ZPLD1: variants seen among roughly 807,000 people sequenced by gnomAD.
ZPLD1 encodes zona pellucida like domain containing 1, also known as zona pellucida-like domain-containing protein 1.
In ZPLD1, 34 loss-of-function variants were observed where a neutral mutation model predicts 47.2. The ratio of observed to expected loss-of-function variants is 0.72; its 90% CI spans 0.55 to 0.96. The LOEUF (loss-of-function observed/expected upper bound fraction) is 0.96. Ranked by LOEUF, ZPLD1 falls within the 40% of genes least tolerant of loss-of-function variation. ZPLD1 has a pLI of 0.00. For synonymous variants in ZPLD1, 176 were observed against 186.2 expected (o/e 0.95, Z 0.45); for missense variants, 512 against 505.8 (o/e 1.01, Z -0.12).
At position 102,477,623 on chromosome 3, in the gene ZPLD1, A is replaced by G; in HGVS notation, c.*5A>G. ...AGAAACCCAGTCTTTGACTGACTAT[A>G]ACAGATTCCTGCTCTCTGGAGAAGG... On this transcript the variant is annotated 3_prime_UTR_variant, in exon 12 of 12. Transcript: ENST00000466937. 1 of 1,607,404 alleles carries G rather than the reference A, an allele frequency of 6.2e-7. No homozygotes were observed. Among genetic ancestry groups the G allele is most frequent in the South Asian group, 1.1e-5 (1 of 90,146 alleles).
chr3:102,419,261 C>G (rs1358519971), intron 8 of ZPLD1, among the ~76,000 whole-genome samples: 2 of 151,910 alleles, frequency 1.3e-5, no homozygotes, highest in Non-Finnish European at 2.9e-5. Flanking sequence ...TCTCATGTGA[C>G]ACATTTCAGA....
At chr3:102,391,984 C>T (rs1248998820) in intron 6 of ZPLD1, among the ~76,000 whole-genome samples, 1 of 152,100 alleles carries the variant, frequency 6.6e-6, no homozygotes, top group African/African-American at 2.4e-5. Context: ...AAAAGAAAAA[C>T]CCTAATCAAC....
At chr3:102,398,878 GCACACA>G (rs10564376) in intron 7 of ZPLD1, among the ~76,000 whole-genome samples, 19 of 149,202 alleles carry the variant, frequency 1.3e-4, no homozygotes, top group African/African-American at 2.2e-4. Context: ...GCGTGCGCAC[GCACACA>G]CACACACACA....
chr3:102,411,388 A>G (rs958464868), intron 7 of ZPLD1, among the ~76,000 whole-genome samples: 5 of 151,844 alleles, frequency 3.3e-5, no homozygotes, highest in African/African-American at 1.2e-4. Flanking sequence ...CTGGGTAGGA[A>G]TAAACTGTAT....
chr3:102,479,695 TAC>T lies in ZPLD1; in HGVS notation c.*2079_*2080del, dbSNP rs1192767943. ...TGGAGTATTTAGTTATACTGAATTT[TAC>T]AGTTATTATAGTGTGAAAAACCTTA... On this transcript the variant is annotated 3_prime_UTR_variant, in exon 12 of 12. Coordinates refer to ENST00000466937, the MANE Select transcript of ZPLD1 (RefSeq NM_001329788.2). 1.6e-4 allele frequency: 24 copies of T among 152,216 alleles called. No individual in the cohort carries two copies. Among genetic ancestry groups the T allele is most frequent in the Admixed American group, 1.6e-3 (24 of 15,286 alleles). 9.4% of individuals were successfully genotyped at this position (152,216 alleles called of 1,614,324 possible).
intron 3 of ZPLD1, among the ~76,000 whole-genome samples, chr3:102,451,035 A>T (rs548150555): frequency 4.8e-4 from 73 of 152,310 alleles, no homozygotes; most frequent in African/African-American, 1.4e-3. Flanking sequence ...ATTTCCTATA[A>T]CACCTAGCCG....
upstream of ZPLD1, among the ~76,000 whole-genome samples, chr3:102,430,988 G>A (rs1021029653): frequency 6.6e-6 from 1 of 152,164 alleles, no homozygotes; most frequent in African/African-American, 2.4e-5. Context: ...AGAATAAAAT[G>A]TGCAAATATC....
chr3:102,431,950 G>A (rs553140685), upstream of ZPLD1, among the ~76,000 whole-genome samples: 20 of 152,152 alleles, frequency 1.3e-4, no homozygotes, highest in South Asian at 1.2e-3. Context: ...TTTGAAGGGC[G>A]AGTTAATATG....
At chr3:102,407,910 C>T (rs1706708985) in intron 7 of ZPLD1, among the ~76,000 whole-genome samples, 1 of 151,762 alleles carries the variant, frequency 6.6e-6, no homozygotes, top group African/African-American at 2.4e-5. Flanking sequence ...TCAGGTGCCA[C>T]TCTAAATATA....
At chr3:102,402,507 A>G (rs551206889) in intron 7 of ZPLD1, among the ~76,000 whole-genome samples, 1 of 152,164 alleles carries the variant, frequency 6.6e-6, no homozygotes, top group African/African-American at 2.4e-5. Context: ...TCTCAGAAAT[A>G]CAGTAGTAGA....
chr3:102,413,188 CAG>C (rs2107300528), intron 7 of ZPLD1, among the ~76,000 whole-genome samples: 1 of 151,860 alleles, frequency 6.6e-6, no homozygotes, highest in South Asian at 2.1e-4. Flanking sequence ...TGTCATTCTA[CAG>C]TTCACACTAA....
chr3:102,398,966 A>G (rs1356555940), intron 7 of ZPLD1, among the ~76,000 whole-genome samples: 2 of 152,168 alleles, frequency 1.3e-5, no homozygotes, highest in Admixed American at 6.6e-5. Flanking sequence ...CCAAAAGGAT[A>G]CAAGATGGAA....
chr3:102,445,391 C>T (rs1236937554), intron 3 of ZPLD1, among the ~76,000 whole-genome samples: 1 of 152,198 alleles, frequency 6.6e-6, no homozygotes, highest in Admixed American at 6.5e-5. Flanking sequence ...CCTTTTACAA[C>T]CAAACTTTTC....
At chr3:102,425,299 C>A (rs924142960) in intron 8 of ZPLD1, among the ~76,000 whole-genome samples, 1 of 151,960 alleles carries the variant, frequency 6.6e-6, no homozygotes, top group Admixed American at 6.6e-5. Flanking sequence ...TCTTGGTTTT[C>A]ATACTATTCT....
At chr3:102,439,166 G>T (rs1707136690) in intron 3 of ZPLD1, among the ~76,000 whole-genome samples, 1 of 152,120 alleles carries the variant, frequency 6.6e-6, no homozygotes, top group African/African-American at 2.4e-5. Flanking sequence ...GTTTTACCTA[G>T]GTATTCATCA....
chr3:102,467,348 G>A (rs1707611100), intron 8 of ZPLD1, among the ~76,000 whole-genome samples: 1 of 151,994 alleles, frequency 6.6e-6, no homozygotes, highest in African/African-American at 2.4e-5. Flanking sequence ...AGAAAAAAAG[G>A]GATAAATGAC....
intron 3 of ZPLD1, among the ~76,000 whole-genome samples, chr3:102,446,581 A>G (rs1707258536): frequency 6.6e-6 from 1 of 151,978 alleles, no homozygotes; most frequent in Admixed American, 6.6e-5. Flanking sequence ...TTCTCCCTGA[A>G]TTTTTTTATC....
In ZPLD1 at chr3:102,453,074, T is replaced by A. The variant is rs760567616; in HGVS notation, c.262T>A (p.Phe88Ile). Reference protein sequence around the residue: ...HCRGFINNNTFPAVVIFIINL... With the variant: ...HCRGFINNNTIPAVVIFIINL... ...CAGAGGGTTCATCAATAACAACACC[T>A]TTCCAGCAGTGGTCATTTTTATCAT... Residue 88 changes from phenylalanine (F) to isoleucine (I), a missense_variant, in exon 4 of 12, where the codon TTT becomes ATT. Physicochemically the swap from Phe to Ile is conservative, Grantham distance 21 (BLOSUM62 0). Coordinates refer to ENST00000466937, the MANE Select transcript of ZPLD1 (RefSeq NM_001329788.2). 6.2e-7 allele frequency: 1 copy of A among 1,614,066 alleles called. No homozygotes were observed. Among genetic ancestry groups the A allele is most frequent in the East Asian group, 2.2e-5 (1 of 44,882 alleles).
At chr3:102,421,732 C>T (rs1173917638) in intron 8 of ZPLD1, among the ~76,000 whole-genome samples, 3 of 151,656 alleles carry the variant, frequency 2.0e-5, no homozygotes, top group Non-Finnish European at 4.4e-5. Flanking sequence ...ATAAAAAGTA[C>T]AGCTGAACCT....
Sources: allele counts gnomAD v4.1 joint callset (sites outside exome capture counted in the v4.1 genomes callset), GRCh38; gene constraint gnomAD v4.1.1; transcripts MANE v1.5; gene names NCBI Gene and HGNC (gene_info 2026-07-23, HGNC 2026-07-21).